Variants in RASAL2 observed in about 807,000 individuals in gnomAD.
RASAL2 encodes the protein RAS protein activator like 2.
Under a neutral mutation model 128.9 loss-of-function variants are expected in RASAL2, and 58 were observed. That is an observed-to-expected ratio of 0.45 (90% CI 0.36 to 0.56). The LOEUF (loss-of-function observed/expected upper bound fraction) is 0.56, where lower values mean the gene tolerates loss of function less well. Ranked by LOEUF, RASAL2 falls within the 20% of genes least tolerant of loss-of-function variation. The pLI is 0.00. For missense variants in RASAL2, 1,360 were observed against 1,601.6 expected, an observed-to-expected ratio of 0.85 and a Z score of 2.57; for synonymous variants, 561 against 580.8, an observed-to-expected ratio of 0.97 and a Z score of 0.49.
chr1:178,354,110 T>C (rs1670666895), intron 3 of RASAL2, among the ~76,000 whole-genome samples: 1 of 152,222 alleles, frequency 6.6e-6, no homozygotes, highest in South Asian at 2.1e-4. Flanking sequence ...TACTCATTAT[T>C]ATAGTTCCAG....
intron 14 of RASAL2, among the ~76,000 whole-genome samples, chr1:178,460,045 C>T (rs74393312): frequency 6.6e-6 from 1 of 151,952 alleles, no homozygotes; most frequent in Non-Finnish European, 1.5e-5. Flanking sequence ...ATTCTAGTTG[C>T]GATCAACTAC....
intron 5 of RASAL2, among the ~76,000 whole-genome samples, chr1:178,425,893 T>A (rs947420321): frequency 1.3e-5 from 2 of 152,178 alleles, no homozygotes; most frequent in Admixed American, 1.3e-4. Context: ...TATAGGACTC[T>A]GTTCTTAAGG....
At chr1:178,263,534 A>G (rs1665795789) in intron 1 of RASAL2, among the ~76,000 whole-genome samples, 1 of 152,196 alleles carries the variant, frequency 6.6e-6, no homozygotes, top group African/African-American at 2.4e-5. Context: ...CAAGAATGAT[A>G]ATAATCAGAG....
At chr1:178,338,329 C>T (rs1199529683) in intron 3 of RASAL2, among the ~76,000 whole-genome samples, 3 of 151,808 alleles carry the variant, frequency 2.0e-5, no homozygotes, top group Non-Finnish European at 4.4e-5. Flanking sequence ...GGGGTTTTAC[C>T]ATGTTGGTCA....
chr1:178,240,945 A>T (rs1329440114), intron 1 of RASAL2, among the ~76,000 whole-genome samples: 1 of 151,264 alleles, frequency 6.6e-6, no homozygotes, highest in Non-Finnish European at 1.5e-5. Flanking sequence ...ATTTTTATTC[A>T]TGACTTTTTT....
intron 4 of RASAL2, among the ~76,000 whole-genome samples, chr1:178,397,189 A>G (rs1464840185): frequency 6.6e-6 from 1 of 152,230 alleles, no homozygotes; most frequent in African/African-American, 2.4e-5. Flanking sequence ...TTATAGCAGC[A>G]TTATTTATGA....
intron 1 of RASAL2, among the ~76,000 whole-genome samples, chr1:178,130,082 G>T (rs572303931): frequency 2.2e-4 from 34 of 152,212 alleles, no homozygotes; most frequent in African/African-American, 7.9e-4. Flanking sequence ...ATATAGAACA[G>T]GTCTTTTCCG....
intron 1 of RASAL2, among the ~76,000 whole-genome samples, chr1:178,232,256 C>T (rs1436097862): frequency 6.6e-6 from 1 of 152,110 alleles, no homozygotes; most frequent in Non-Finnish European, 1.5e-5. Flanking sequence ...AAAAACTTGG[C>T]ATTCATGATC....
chr1:178,254,461 GA>G (rs1188317595), intron 1 of RASAL2, among the ~76,000 whole-genome samples: 2 of 152,114 alleles, frequency 1.3e-5, no homozygotes, highest in African/African-American at 4.8e-5. Flanking sequence ...AACTTATAAA[GA>G]AAACAGTTAT....
chr1:178,439,393 C>T, intron 5 of RASAL2, 29 bp from the exon 6 acceptor site: 1 of 1,567,300 alleles, frequency 6.4e-7, no homozygotes, highest in East Asian at 2.3e-5. Flanking sequence ...CCAAGTTACA[C>T]TACCTTAAAT....
At chr1:178,261,486 A>C (rs1052266883) in intron 1 of RASAL2, among the ~76,000 whole-genome samples, 3 of 152,198 alleles carry the variant, frequency 2.0e-5, no homozygotes, top group African/African-American at 7.2e-5. Flanking sequence ...TAACACAAAC[A>C]AGTTTATATA....
At chr1:178,238,378 C>A (rs1664348221) in intron 1 of RASAL2, among the ~76,000 whole-genome samples, 1 of 152,074 alleles carries the variant, frequency 6.6e-6, no homozygotes, top group Non-Finnish European at 1.5e-5. Context: ...TATGAACATT[C>A]ATGAACAAAT....
At chr1:178,275,092 A>G (rs1666433533) in intron 1 of RASAL2, among the ~76,000 whole-genome samples, 1 of 152,192 alleles carries the variant, frequency 6.6e-6, no homozygotes, top group African/African-American at 2.4e-5. Flanking sequence ...GCCATTTCTC[A>G]TCTTACTGCT....
chr1:178,336,354 A>G (rs372322334), intron 3 of RASAL2, among the ~76,000 whole-genome samples: 2 of 152,234 alleles, frequency 1.3e-5, no homozygotes, highest in East Asian at 3.9e-4. Flanking sequence ...ATCAGTGGTA[A>G]GCCAAAGACT....
intron 3 of RASAL2, among the ~76,000 whole-genome samples, chr1:178,368,509 T>C (rs957161096): frequency 1.3e-5 from 2 of 152,196 alleles, no homozygotes; most frequent in African/African-American, 4.8e-5. Flanking sequence ...CTTTCTATAT[T>C]TTTAAGTAAA....
intron 1 of RASAL2, among the ~76,000 whole-genome samples, chr1:178,231,586 G>A (rs943292205): frequency 6.6e-6 from 1 of 151,740 alleles, no homozygotes. Flanking sequence ...TGCTTTCTGT[G>A]TCCTAAGAAA....
intron 2 of RASAL2, among the ~76,000 whole-genome samples, chr1:178,299,488 T>C (rs1405762658): frequency 6.6e-6 from 1 of 152,062 alleles, no homozygotes; most frequent in African/African-American, 2.4e-5. Context: ...CCTTTCCTGA[T>C]GTTTCAGTTT....
intron 1 of RASAL2, among the ~76,000 whole-genome samples, chr1:178,216,622 A>G (rs1218175210): frequency 6.6e-6 from 1 of 152,150 alleles, no homozygotes; most frequent in African/African-American, 2.4e-5. Context: ...AGCTAATTTA[A>G]ATAATTATAT....
At chr1:178,216,985 A>G (rs758439589) in intron 1 of RASAL2, among the ~76,000 whole-genome samples, 1 of 148,482 alleles carries the variant, frequency 6.7e-6, no homozygotes. Context: ...TTATTTATTT[A>G]TTTTTTTGAG....
Sources: gnomAD v4.1 joint callset for allele counts (sites outside exome capture counted in the v4.1 genomes callset) on GRCh38, gnomAD v4.1.1 for gene constraint, MANE v1.5 for transcripts, NCBI Gene and HGNC (gene_info 2026-07-23, HGNC 2026-07-21) for gene names.